The following ZNF365 variants were observed in gnomAD, a reference collection of about 807,000 sequenced individuals.
ZNF365 encodes the protein zinc finger protein 365.
A neutral mutation model predicts 35.0 loss-of-function variants in ZNF365; 22 were observed. The ratio of observed to expected loss-of-function variants is 0.63; its 90% confidence interval spans 0.45 to 0.90. The LOEUF (loss-of-function observed/expected upper bound fraction) is 0.90, where lower values mean the gene tolerates loss of function less well. Among genes scored for constraint, ZNF365 ranks in the 40% least tolerant of loss-of-function variants. The pLI is 0.00. For synonymous variants in ZNF365, 188 were observed against 196.2 expected (o/e 0.96, Z 0.35); for missense variants, 448 against 500.3 (o/e 0.90, Z 1.00).
intron 2 of ZNF365, among the ~76,000 whole-genome samples, chr10:62,381,168 A>C (rs1005663937): frequency 2.0e-4 from 30 of 152,098 alleles, no homozygotes; most frequent in African/African-American, 7.2e-4. Flanking sequence ...GGCCACACTG[A>C]GGAAATGAGG....
chr10:62,469,348 T>C (rs1840995882), intron 4 of ZNF365, among the ~76,000 whole-genome samples: 1 of 152,170 alleles, frequency 6.6e-6, no homozygotes, highest in Non-Finnish European at 1.5e-5. Flanking sequence ...ACAGTCCTGA[T>C]TTGGCTTCTT....
intron 3 of ZNF365, among the ~76,000 whole-genome samples, chr10:62,434,544 T>A (rs1188471271): frequency 6.6e-6 from 1 of 152,158 alleles, no homozygotes; most frequent in African/African-American, 2.4e-5. Flanking sequence ...TTAATATAAT[T>A]AGATGTCGGT....
At chr10:62,470,656 T>G (rs1841018773) in intron 4 of ZNF365, among the ~76,000 whole-genome samples, 1 of 152,236 alleles carries the variant, frequency 6.6e-6, no homozygotes, top group African/African-American at 2.4e-5. Flanking sequence ...GTTATGACAG[T>G]GCTGGGGTTT....
chr10:62,452,035 T>G (rs1840691173), intron 3 of ZNF365, among the ~76,000 whole-genome samples: 1 of 152,218 alleles, frequency 6.6e-6, no homozygotes, highest in South Asian at 2.1e-4. Context: ...ATATTACCAG[T>G]GCAGAAACTG....
chr10:62,393,746 T>C (rs1207362401), intron 3 of ZNF365, among the ~76,000 whole-genome samples: 1 of 152,236 alleles, frequency 6.6e-6, no homozygotes, highest in Admixed American at 6.5e-5. Flanking sequence ...ATGGACTTGC[T>C]CTACTGAAGG....
chr10:62,464,644 G>A (rs945294476), intron 4 of ZNF365, among the ~76,000 whole-genome samples: 2 of 152,192 alleles, frequency 1.3e-5, no homozygotes, highest in African/African-American at 4.8e-5. Context: ...TTTCACTGGT[G>A]TTTGACAGAT....
chr10:62,414,888 C>T (rs1183777746), intron 3 of ZNF365, among the ~76,000 whole-genome samples: 2 of 151,872 alleles, frequency 1.3e-5, no homozygotes, highest in African/African-American at 4.8e-5. Context: ...ATTTTCCATT[C>T]CTATTCTTTC....
Position 62,401,712 on chromosome 10 carries a change from A to T in ZNF365, c.*1923A>T, listed in dbSNP as rs189527475. On this transcript the variant is annotated 3_prime_UTR_variant, in exon 5 of 5. Transcript: ENST00000395254. Reference sequence around the variant, plus strand: ...AAACATGACTTGTTAGTTGTATTGCATGCTCTTTGTCCTGTAATGTGTGTG... The same window carrying T: ...AAACATGACTTGTTAGTTGTATTGCTTGCTCTTTGTCCTGTAATGTGTGTG... 323 of 985,530 alleles carry T rather than the reference A, an allele frequency of 3.3e-4. 2 individuals are homozygous for T. The African/African-American group carries it at 5.1e-3, about 16-fold the overall frequency. The allele number at this position is 985,530 out of a possible 1,614,324, so 61.0% of individuals were successfully genotyped here.
Position 62,402,420 on chromosome 10 carries a change from A to G in ZNF365, c.*2631A>G, listed in dbSNP as rs558639699. Reference sequence around the variant, plus strand: ...TAAAGAAGTTTTTAGATTATGAAATATTATGATAATAAAGCTATATTTCTG... The same window carrying G: ...TAAAGAAGTTTTTAGATTATGAAATGTTATGATAATAAAGCTATATTTCTG... On this transcript the variant is annotated 3_prime_UTR_variant, in exon 5 of 5. Transcript: ENST00000395254. 1 of 985,024 alleles carries G rather than the reference A, an allele frequency of 1.0e-6. No homozygotes were observed. The highest frequency in any genetic ancestry group is 1.7e-5 in the African/African-American group (1 of 57,370). 61.0% of individuals were successfully genotyped at this position (985,024 alleles called of 1,614,324 possible). A position where few individuals can be genotyped will look rare whatever the true frequency, so the allele number is the denominator to read the frequency against.
intron 3 of ZNF365, among the ~76,000 whole-genome samples, chr10:62,416,742 A>T (rs1840082662): frequency 6.6e-6 from 1 of 151,996 alleles, no homozygotes; most frequent in Non-Finnish European, 1.5e-5. Context: ...TACATTTTGG[A>T]ATATTAGCCT....
In ZNF365 at chr10:62,376,764, A is replaced by T; in HGVS notation, c.571A>T (p.Thr191Ser). 2 of 1,614,158 alleles carry T rather than the reference A, an allele frequency of 1.2e-6. No individual in the cohort carries two copies. The highest frequency in any genetic ancestry group is 1.7e-6 in the Non-Finnish European group (2 of 1,180,034). The change falls in exon 2 of 5, where the codon ACT (threonine) becomes TCT (serine). Residue 191 changes from threonine to serine, a missense_variant. Coordinates refer to ENST00000395254, the MANE Select transcript of ZNF365 (RefSeq NM_014951.3). ...DKLTKELAQK[T>S]AELLEVRAAF... ...ACTCACCAAAGAGTTGGCCCAGAAA[A>T]CTGCGGAACTGTTGGAAGTTCGGGC...
chr10:62,422,682 A>AGTT (rs1279844875), intron 3 of ZNF365, among the ~76,000 whole-genome samples: 1 of 152,188 alleles, frequency 6.6e-6, no homozygotes, highest in African/African-American at 2.4e-5. Context: ...GTTTGGAAAT[A>AGTT]GTTCTTAATT....
chr10:62,406,911 G>T (rs548748783), downstream of ZNF365, among the ~76,000 whole-genome samples: 1 of 152,174 alleles, frequency 6.6e-6, no homozygotes, highest in South Asian at 2.1e-4. Context: ...TGGGCCTGCC[G>T]CTGTGTAGAG....
chr10:62,402,249 T>C lies in ZNF365; in HGVS notation c.*2460T>C. On this transcript the variant is annotated 3_prime_UTR_variant, in exon 5 of 5. Transcript: ENST00000395254. ...TTGTCTTGTAGGGAAGAAATCTTCC[T>C]TTGAACCGCTTTTCTTGCTTTTTCC... The C allele has an allele frequency of 1.0e-6, 1 of 985,904 alleles. No homozygotes were observed. The highest frequency in any genetic ancestry group is 1.2e-6 in the Non-Finnish European group (1 of 829,920). The allele number at this position is 985,904 out of a possible 1,614,324, so 61.1% of individuals were successfully genotyped here.
intron 3 of ZNF365, among the ~76,000 whole-genome samples, chr10:62,436,857 G>A (rs1032730959): frequency 3.9e-5 from 6 of 152,168 alleles, no homozygotes; most frequent in African/African-American, 1.4e-4. Context: ...TATATCATAA[G>A]TTGGTTAGGA....
chr10:62,459,883 G>A, intron 4 of ZNF365: 1 of 1,159,932 alleles, frequency 8.6e-7, no homozygotes, highest in African/African-American at 1.5e-5. Context: ...GACTGGAAGG[G>A]GCGCAGCAGG....
chr10:62,384,395 G>A (rs1839492223), intron 2 of ZNF365, among the ~76,000 whole-genome samples: 1 of 152,080 alleles, frequency 6.6e-6, no homozygotes, highest in African/African-American at 2.4e-5. Context: ...GTTTATTTCG[G>A]TATTTCCTTC....
chr10:62,415,741 T>C (rs1254870257), intron 3 of ZNF365, among the ~76,000 whole-genome samples: 1 of 152,186 alleles, frequency 6.6e-6, no homozygotes. Flanking sequence ...GCTCCTCATC[T>C]TCAATTCTCT....
intron 3 of ZNF365, among the ~76,000 whole-genome samples, chr10:62,449,681 C>T (rs1375540061): frequency 1.3e-5 from 2 of 152,186 alleles, no homozygotes; most frequent in Non-Finnish European, 2.9e-5. Context: ...TCTGTCCACA[C>T]TGGCAGTAAA....
Sources: allele counts gnomAD v4.1 joint callset (sites outside exome capture counted in the v4.1 genomes callset), GRCh38; gene constraint gnomAD v4.1.1; transcripts MANE v1.5; gene names NCBI Gene and HGNC (gene_info 2026-07-23, HGNC 2026-07-21).